ICAM5: variants seen among roughly 807,000 people sequenced by gnomAD.
ICAM5 encodes ICAM-5.
In ICAM5, 38 loss-of-function variants were observed where a neutral mutation model predicts 78.8. The ratio of observed to expected loss-of-function variants is 0.48; its 90% CI spans 0.37 to 0.63. The LOEUF (loss-of-function observed/expected upper bound fraction) is 0.63, where lower values mean the gene tolerates loss of function less well. ICAM5 is among the 30% of genes least tolerant of loss of function. ICAM5 has a pLI of 0.00. For synonymous variants in ICAM5, 544 were observed against 590.9 expected (o/e 0.92, Z 1.15); for missense variants, 1,059 against 1,303.0 (o/e 0.81, Z 2.88).
chr19:10,295,572 G>A lies in ICAM5; in HGVS notation c.2457G>A (p.Ala819=). The change falls in exon 10 of 11, where the codon GCG becomes GCA. Residue 819 remains alanine, a synonymous_variant. Coordinates refer to ENST00000221980, the MANE Select transcript of ICAM5 (RefSeq NM_003259.4). ...AGTACGAGTGCGCAGCCACCAACGCGCACGGGCGCCACGCGCGGCGCATCA... is the reference window on the plus strand; with the variant it reads ...AGTACGAGTGCGCAGCCACCAACGCACACGGGCGCCACGCGCGGCGCATCA... ...GGEYECAATN[A]HGRHARRITV... is the part of the protein sequence containing the mutation. 3 of 1,544,964 alleles carry A rather than the reference G, an allele frequency of 1.9e-6. No homozygotes were observed. The highest frequency in any genetic ancestry group is 2.6e-6 in the Non-Finnish European group (3 of 1,146,492).
chr19:10,295,587 G>A lies in ICAM5; in HGVS notation c.2472G>A (p.Ala824=). 1 of 1,543,968 alleles carries A rather than the reference G, an allele frequency of 6.5e-7. No homozygotes were observed. The change falls in exon 10 of 11, where the codon GCG becomes GCA. Residue 824 remains alanine, a synonymous_variant. Coordinates refer to ENST00000221980, the MANE Select transcript of ICAM5 (RefSeq NM_003259.4). ...CAATNAHGRH[A]RRITVRVAGP... ...CCACCAACGCGCACGGGCGCCACGC[G>A]CGGCGCATCACGGTGCGCGTGGCCG...
At position 10,294,445 on chromosome 19, in the gene ICAM5, T is replaced by C; in HGVS notation, c.2035T>C (p.Trp679Arg). ...ATCTACCTGCCCAAGTCACCAGACGTGGCTGGAAGGGGCTGAGGCTTCCGC... is the reference window on the plus strand; with the variant it reads ...ATCTACCTGCCCAAGTCACCAGACGCGGCTGGAAGGGGCTGAGGCTTCCGC... Reference protein sequence around the residue: ...DESTCPSHQTWLEGAEASALA... With the variant: ...DESTCPSHQTRLEGAEASALA... The change falls in exon 9 of 11, where the codon TGG (tryptophan) becomes CGG (arginine). Residue 679 changes from tryptophan (W) to arginine (R), a missense_variant. By Grantham distance (101) the Trp-to-Arg change is moderately radical. Around this residue, in one of 3 missense-constraint regions of ICAM5, gnomAD observed 815 missense variants for 952.8 expected, o/e 0.86. Coordinates refer to ENST00000221980, the MANE Select transcript of ICAM5 (RefSeq NM_003259.4). The surrounding 1 kb of genome is among the most constrained non-coding windows in gnomAD (Gnocchi z 7.7). 1 of 1,610,930 alleles carries C rather than the reference T, an allele frequency of 6.2e-7. No individual in the cohort carries two copies. Among genetic ancestry groups the C allele is most frequent in the African/African-American group, 1.3e-5 (1 of 74,930 alleles).
In ICAM5 at chr19:10,293,829, G is replaced by T. The variant is rs201577589; in HGVS notation, c.1597G>T (p.Gly533Trp). The T allele has an allele frequency of 1.2e-6, 2 of 1,613,014 alleles. No individual in the cohort carries two copies. Among genetic ancestry groups the T allele is most frequent in the Non-Finnish European group, 1.7e-6 (2 of 1,180,020 alleles). Residue 533 changes from glycine to tryptophan, a missense_variant, in exon 7 of 11, where the codon GGG becomes TGG. Transcript: ENST00000221980. The surrounding 1 kb of genome is among the most constrained non-coding windows in gnomAD (Gnocchi z 5.0). Reference sequence around the variant, plus strand: ...GATCTGCGTGCGCTCTGGAGAACTCGGGGCCGTCATCGAGGGGCTGTTGCG... The same window carrying T: ...GATCTGCGTGCGCTCTGGAGAACTCTGGGCCGTCATCGAGGGGCTGTTGCG... Reference protein sequence around the residue: ...DVICVRSGELGAVIEGLLRVA... With the variant: ...DVICVRSGELWAVIEGLLRVA...
chr19:10,292,747 C>G lies in ICAM5; in HGVS notation c.1097C>G (p.Ala366Gly). ...CCAGCCGCGGTCCCGGGGCAGCCCG[C>G]CCAGCTTCAGCTAAATGCCACCGAG... ...GVPAAVPGQP[A>G]QLQLNATEND... Residue 366 changes from alanine to glycine, a missense_variant, in exon 5 of 11, where the codon GCC becomes GGC. Around this residue, in one of 3 missense-constraint regions of ICAM5, gnomAD observed 815 missense variants for 952.8 expected, o/e 0.86. Transcript: ENST00000221980. 1 of 1,612,684 alleles carries G rather than the reference C, an allele frequency of 6.2e-7. No homozygotes were observed.
At position 10,293,750 on chromosome 19, in the gene ICAM5, G is replaced by A; in HGVS notation, c.1518G>A (p.Glu506=). Residue 506 remains glutamate (E), a synonymous_variant, in exon 7 of 11, where the codon GAG becomes GAA. Transcript: ENST00000221980. The surrounding 1 kb of genome is among the most constrained non-coding windows in gnomAD (Gnocchi z 5.0). ...GCCCAGAACGCATTACTTGGCTGGA[G>A]GGAACAGAAGCCTCGCTGAGCTGTG... ...VGCPERITWL[E]GTEASLSCVA... 6.2e-7 allele frequency: 1 copy of A among 1,613,990 alleles called. No homozygotes were observed. Among genetic ancestry groups the A allele is most frequent in the South Asian group, 1.1e-5 (1 of 91,088 alleles).
Position 10,293,546 on chromosome 19 carries a change from G to A in ICAM5, c.1466-152G>A, listed in dbSNP as rs1382469758. The A allele has an allele frequency of 1.1e-5, 12 of 1,136,146 alleles. No individual in the cohort carries two copies. In the Middle Eastern group the frequency reaches 6.2e-4, roughly 59 times the overall value. 70.4% of individuals were successfully genotyped at this position (1,136,146 alleles called of 1,614,324 possible). A position where few individuals can be genotyped will look rare whatever the true frequency, so the allele number is the denominator to read the frequency against. On this transcript the variant is annotated intron_variant, in intron 6 of 10. Transcript: ENST00000221980. This position sits in a 1 kb window ranked among gnomAD's most constrained non-coding sequence, Gnocchi z 5.0. ...GGCTCAGGAAGCTCCCAGACAGAGT[G>A]CATGCCTCGACTAGCGTGACACCTC...
intron 4 of ICAM5, 131 bp from the exon 5 acceptor site, chr19:10,292,481 A>G: frequency 7.2e-7 from 1 of 1,392,620 alleles, no homozygotes; most frequent in Non-Finnish European, 9.7e-7. Context: ...AGGAGCCTGT[A>G]CAGCCTGAGA....
At position 10,295,461 on chromosome 19, in the gene ICAM5, C is replaced by T. The variant is rs374282883; in HGVS notation, c.2346C>T (p.Arg782=). ...GGCCTCCAGCCCAGATCAGCTGGCG[C>T]GCGCCCCCGGGGGCCCTCAACATCG... is the stretch of plus-strand genomic sequence containing the variant. ...EAWPPAQISW[R]APPGALNIGL... The change falls in exon 10 of 11, where the codon CGC becomes CGT. Residue 782 remains arginine (R), a synonymous_variant. Coordinates refer to ENST00000221980, the MANE Select transcript of ICAM5 (RefSeq NM_003259.4). 2 of 1,597,404 alleles carry T rather than the reference C, an allele frequency of 1.3e-6. No homozygotes were observed. The highest frequency in any genetic ancestry group is 1.7e-6 in the Non-Finnish European group (2 of 1,173,960).
At position 10,296,506 on chromosome 19, in the gene ICAM5, G is replaced by A; in HGVS notation, c.2665G>A (p.Gly889Ser). 2.5e-6 allele frequency: 3 copies of A among 1,223,172 alleles called. No homozygotes were observed. Among genetic ancestry groups the A allele is most frequent in the Non-Finnish European group, 1.0e-6 (1 of 966,442 alleles). 75.8% of individuals were successfully genotyped at this position (1,223,172 alleles called of 1,614,324 possible). A position where few individuals can be genotyped will look rare whatever the true frequency, so the allele number is the denominator to read the frequency against. Residue 889 changes from glycine to serine, a missense_variant, in exon 11 of 11, where the codon GGC (glycine) becomes AGC (serine). By Grantham distance (56) the Gly-to-Ser change is moderately conservative (BLOSUM62 0). Transcript: ENST00000221980. ...GGCCGTGTGTCTGAACGGAGCGGGCGGCGGCGCTGGCGGGGCGGCAGGCGC... is the reference window on the plus strand; with the variant it reads ...GGCCGTGTGTCTGAACGGAGCGGGCAGCGGCGCTGGCGGGGCGGCAGGCGC... ...GEAVCLNGAG[G>S]GAGGAAGAEG...
In ICAM5 at chr19:10,290,985, G is replaced by A; in HGVS notation, c.83-87G>A. ...GCTGCAGCCTCTCCTCCTCCTCCCC[G>A]CCCTCTGAGAACCCTTGACTCGACA... On this transcript the variant is annotated intron_variant, in intron 1 of 10. Coordinates refer to ENST00000221980, the MANE Select transcript of ICAM5 (RefSeq NM_003259.4). The surrounding 1 kb of genome is among the most constrained non-coding windows in gnomAD (Gnocchi z 5.7). 2.7e-6 allele frequency: 4 copies of A among 1,458,454 alleles called. No homozygotes were observed. The highest frequency in any genetic ancestry group is 2.5e-5 in the East Asian group (1 of 40,482). The allele number at this position is 1,458,454 out of a possible 1,614,324, so 90.3% of individuals were successfully genotyped here.
chr19:10,290,171 T>G lies in ICAM5; in HGVS notation c.82+46T>G, dbSNP rs546067469. The G allele has an allele frequency of 1.4e-6, 2 of 1,379,702 alleles. No homozygotes were observed. Among genetic ancestry groups the G allele is most frequent in the African/African-American group, 1.5e-5 (1 of 65,794 alleles). The allele number at this position is 1,379,702 out of a possible 1,614,324, so 85.5% of individuals were successfully genotyped here. A position where few individuals can be genotyped will look rare whatever the true frequency, so the allele number is the denominator to read the frequency against. ...CGGGGTGGACAGGGCGGGGGCGGAGTCCCTGGACCTGAGAAACGGCCTCCT... is the reference window on the plus strand; with the variant it reads ...CGGGGTGGACAGGGCGGGGGCGGAGGCCCTGGACCTGAGAAACGGCCTCCT... On this transcript the variant is annotated intron_variant, in intron 1 of 10. Coordinates refer to ENST00000221980, the MANE Select transcript of ICAM5 (RefSeq NM_003259.4). This position sits in a 1 kb window ranked among gnomAD's most constrained non-coding sequence, Gnocchi z 5.7.
chr19:10,293,098 C>T lies in ICAM5; in HGVS notation c.1317C>T (p.Pro439=). 6.2e-7 allele frequency: 1 copy of T among 1,610,312 alleles called. No individual in the cohort carries two copies. The change falls in exon 6 of 11, where the codon CCC becomes CCT. Residue 439 remains proline, a synonymous_variant. Coordinates refer to ENST00000221980, the MANE Select transcript of ICAM5 (RefSeq NM_003259.4). The surrounding 1 kb of genome is among the most constrained non-coding windows in gnomAD (Gnocchi z 5.0). ...GCGAGGCCCGCGGGAACCCAGAACC[C>T]TCAGTGCACTGTGCGCGCTCCGACG... ...LRCEARGNPE[P]SVHCARSDGG...
Position 10,290,501 on chromosome 19 carries a change from C to T in ICAM5, c.82+376C>T, listed in dbSNP as rs1696426743. On this transcript the variant is annotated intron_variant, in intron 1 of 10. Transcript: ENST00000221980. This position sits in a 1 kb window ranked among gnomAD's most constrained non-coding sequence, Gnocchi z 5.7. Reference sequence around the variant, plus strand: ...GACTCCATCTCTCCAACTACCCTGACTCAGAGGCGCTGTTCCCGCTCCACC... The same window carrying T: ...GACTCCATCTCTCCAACTACCCTGATTCAGAGGCGCTGTTCCCGCTCCACC... 4.3e-6 allele frequency: 1 copy of T among 232,600 alleles called. No individual in the cohort carries two copies. The highest frequency in any genetic ancestry group is 9.3e-5 in the East Asian group (1 of 10,744). The allele number at this position is 232,600 out of a possible 1,614,324, so 14.4% of individuals were successfully genotyped here.
In ICAM5 at chr19:10,293,026, C is replaced by T. The variant is rs1599279946; in HGVS notation, c.1245C>T (p.Cys415=). 3 of 1,610,848 alleles carry T rather than the reference C, an allele frequency of 1.9e-6. No homozygotes were observed. The highest frequency in any genetic ancestry group is 2.5e-6 in the Non-Finnish European group (3 of 1,179,990). The stretch of plus-strand genomic sequence containing the variant: ...CTCCCCGGCTAGACGATTCGGACTG[C>T]CCCAGGAGTTGGACGTGGCCCGAGG... The part of the protein sequence containing the change: ...LYAPRLDDSD[C]PRSWTWPEGP... The change falls in exon 6 of 11, where the codon TGC becomes TGT. Residue 415 remains cysteine, a synonymous_variant. Coordinates refer to ENST00000221980, the MANE Select transcript of ICAM5 (RefSeq NM_003259.4). The surrounding 1 kb of genome is among the most constrained non-coding windows in gnomAD (Gnocchi z 5.0).
At position 10,296,517 on chromosome 19, in the gene ICAM5, C is replaced by A; in HGVS notation, c.2676C>A (p.Gly892=). The A allele has an allele frequency of 4.1e-6, 5 of 1,213,050 alleles. No homozygotes were observed. Among genetic ancestry groups the A allele is most frequent in the Non-Finnish European group, 5.2e-6 (5 of 960,604 alleles). 75.1% of individuals were successfully genotyped at this position (1,213,050 alleles called of 1,614,324 possible). ...VCLNGAGGGA[G]GAAGAEGGPE... The stretch of plus-strand genomic sequence containing the variant: ...TGAACGGAGCGGGCGGCGGCGCTGG[C>A]GGGGCGGCAGGCGCGGAGGGCGGAC... Residue 892 remains glycine, a synonymous_variant, in exon 11 of 11, where the codon GGC becomes GGA. Coordinates refer to ENST00000221980, the MANE Select transcript of ICAM5 (RefSeq NM_003259.4).
intron 3 of ICAM5, 104 bp from the exon 4 acceptor site, chr19:10,291,931 C>G (rs181890650): frequency 2.4e-4 from 359 of 1,487,180 alleles, no homozygotes; most frequent in Middle Eastern, 2.1e-3. Flanking sequence ...GCTGTTTCCC[C>G]CTCCGTGCCT....
Position 10,290,570 on chromosome 19 carries a change from T to G in ICAM5, c.82+445T>G. 5.0e-6 allele frequency: 1 copy of G among 201,070 alleles called. No individual in the cohort carries two copies. The highest frequency in any genetic ancestry group is 1.0e-5 in the Non-Finnish European group (1 of 99,722). The allele number at this position is 201,070 out of a possible 1,614,324, so 12.5% of individuals were successfully genotyped here. Reference sequence around the variant, plus strand: ...GTCCCTCAGCTGTTCCCGCGGTTCCTTCCATGAGCCCAGCCTTGCGTCCCG... The same window carrying G: ...GTCCCTCAGCTGTTCCCGCGGTTCCGTCCATGAGCCCAGCCTTGCGTCCCG... On this transcript the variant is annotated intron_variant, in intron 1 of 10. Coordinates refer to ENST00000221980, the MANE Select transcript of ICAM5 (RefSeq NM_003259.4). The surrounding 1 kb of genome is among the most constrained non-coding windows in gnomAD (Gnocchi z 5.7).
At position 10,293,999 on chromosome 19, in the gene ICAM5, T is replaced by C. The variant is rs1164955482; in HGVS notation, c.1712-41T>C. 1.3e-6 allele frequency: 2 copies of C among 1,594,082 alleles called. No individual in the cohort carries two copies. The highest frequency in any genetic ancestry group is 1.7e-6 in the Non-Finnish European group (2 of 1,167,220). On this transcript the variant is annotated intron_variant, in intron 7 of 10. Transcript: ENST00000221980. This position sits in a 1 kb window ranked among gnomAD's most constrained non-coding sequence, Gnocchi z 5.0. Reference sequence around the variant, plus strand: ...ATCTGTGGGACAACCCCGGCTGGACTTCCTGGCCCCCGTGTGAGCCCCTGC... The same window carrying C: ...ATCTGTGGGACAACCCCGGCTGGACCTCCTGGCCCCCGTGTGAGCCCCTGC...
In ICAM5 at chr19:10,296,631, C is replaced by A. The variant is rs758936792; in HGVS notation, c.*15C>A. The A allele has an allele frequency of 2.0e-3, 2,454 of 1,209,408 alleles. 1 individual carries two copies. Among genetic ancestry groups the A allele is most frequent in the Middle Eastern group, 3.9e-3 (15 of 3,828 alleles). The allele number at this position is 1,209,408 out of a possible 1,614,324, so 74.9% of individuals were successfully genotyped here. On this transcript the variant is annotated 3_prime_UTR_variant, in exon 11 of 11. Transcript: ENST00000221980. Reference sequence around the variant, plus strand: ...CATCGGCGTGAGCCCGCTCCCCTCTCCCCGCGGGCCGGGGGACGCCCCCCA... The same window carrying A: ...CATCGGCGTGAGCCCGCTCCCCTCTACCCGCGGGCCGGGGGACGCCCCCCA...
Sources: allele counts gnomAD v4.1 joint callset, GRCh38; gene constraint gnomAD v4.1.1; regional missense constraint gnomAD v4.1.1; non-coding constraint Gnocchi (gnomAD v3.1); transcripts MANE v1.5; gene names NCBI Gene and HGNC (gene_info 2026-07-23, HGNC 2026-07-21).